The following GPR158 variants were observed in gnomAD, a reference collection of about 807,000 sequenced individuals.
The protein encoded by GPR158 is G protein-coupled receptor 158.
Under a neutral mutation model 78.2 loss-of-function variants are expected in GPR158, and 30 were observed. That is an observed-to-expected ratio of 0.38 (90% confidence interval 0.29 to 0.52). The LOEUF (loss-of-function observed/expected upper bound fraction) is 0.52. Among genes scored for constraint, GPR158 ranks in the 20% least tolerant of loss-of-function variants. GPR158 has a pLI of 0.83. For missense variants in GPR158, 1,463 were observed against 1,523.5 expected (o/e 0.96, Z 0.66); for synonymous variants, 581 against 591.1 (o/e 0.98, Z 0.25).
At chr10:25,235,301 TTTC>T (rs1853504326) in intron 2 of GPR158, among the ~76,000 whole-genome samples, 1 of 152,198 alleles carries the variant, frequency 6.6e-6, no homozygotes, top group African/African-American at 2.4e-5. Flanking sequence ...ATGAATCTAT[TTTC>T]TTCTCTTATT....
At chr10:25,342,509 T>G (rs1855315994) in intron 2 of GPR158, among the ~76,000 whole-genome samples, 1 of 152,020 alleles carries the variant, frequency 6.6e-6, no homozygotes, top group South Asian at 2.1e-4. Flanking sequence ...CAATTTAGCC[T>G]TATTGTACAA....
At chr10:25,283,522 A>C (rs1854304566) in intron 2 of GPR158, among the ~76,000 whole-genome samples, 1 of 152,022 alleles carries the variant, frequency 6.6e-6, no homozygotes. Context: ...ATAATGGAAC[A>C]CTAGGCATAA....
intron 3 of GPR158, among the ~76,000 whole-genome samples, chr10:25,396,579 G>A (rs970854175): frequency 6.6e-5 from 10 of 151,934 alleles, no homozygotes; most frequent in Admixed American, 2.6e-4. Flanking sequence ...TGGGAGGATC[G>A]CTTGAGCTCA....
rs557457088 is a variant in GPR158, at chr10:25,218,265, A to G, written c.903-2787A>G. 9.2e-5 allele frequency among the ~76,000 whole-genome samples: 14 copies of G among 151,992 alleles called. No homozygotes were observed. In the East Asian group the frequency reaches 2.3e-3, roughly 25 times the overall value. On this transcript the variant is annotated intron_variant, in intron 1 of 10. Transcript: ENST00000376351. ...TCCCAGCTGGGAAACGTAGCTCATTATATTCCACGGTTTTGCACAAGCCTG... is the reference window on the plus strand; with the variant it reads ...TCCCAGCTGGGAAACGTAGCTCATTGTATTCCACGGTTTTGCACAAGCCTG...
chr10:25,438,171 C>T (rs180736680), intron 4 of GPR158, among the ~76,000 whole-genome samples: 102 of 152,226 alleles, frequency 6.7e-4, no homozygotes, highest in East Asian at 1.7e-3. Context: ...TTTGGAATAA[C>T]GTCACTTACT....
At chr10:25,542,823 CAA>C (rs5783943) in intron 5 of GPR158, among the ~76,000 whole-genome samples, 15 of 94,358 alleles carry the variant, frequency 1.6e-4, no homozygotes, top group Admixed American at 1.2e-4. Context: ...AACTCCATCT[CAA>C]AAAAAAAAAA....
intron 2 of GPR158, among the ~76,000 whole-genome samples, chr10:25,330,440 C>T (rs1855102296): frequency 1.3e-5 from 2 of 152,234 alleles, no homozygotes; most frequent in South Asian, 4.2e-4. Context: ...AGCATTTCTG[C>T]TCTTTGGATA....
At chr10:25,331,084 A>G (rs66543124) in intron 2 of GPR158, among the ~76,000 whole-genome samples, 6,469 of 152,020 alleles carry the variant, frequency 0.043, 142 homozygotes, top group African/African-American at 0.051. Flanking sequence ...TTACAGGTGA[A>G]TGCCACTGTG....
intron 7 of GPR158, among the ~76,000 whole-genome samples, chr10:25,584,412 T>C (rs1267296234): frequency 6.6e-6 from 1 of 152,216 alleles, no homozygotes; most frequent in East Asian, 1.9e-4. Flanking sequence ...TACAGCATAT[T>C]GTTTGGTATT....
intron 1 of GPR158, 148 bp from the exon 2 acceptor site, chr10:25,220,904 C>T: frequency 1.7e-6 from 1 of 587,970 alleles, no homozygotes; most frequent in Non-Finnish European, 3.0e-6. Context: ...TGTGTGTCTT[C>T]TCTTGGTGCA....
intron 2 of GPR158, among the ~76,000 whole-genome samples, chr10:25,337,100 C>T (rs552517963): frequency 7.4e-4 from 112 of 152,140 alleles, no homozygotes; most frequent in Admixed American, 3.7e-3. Context: ...ATCTCTTTCT[C>T]AAAGAGAAAT....
chr10:25,594,814 A>G (rs2130752775), intron 9 of GPR158, among the ~76,000 whole-genome samples: 1 of 152,294 alleles, frequency 6.6e-6, no homozygotes, highest in South Asian at 2.1e-4. Context: ...TTACATATAG[A>G]GGAATCTCCA....
chr10:25,443,068 C>A (rs993328188), intron 4 of GPR158, among the ~76,000 whole-genome samples: 1 of 150,352 alleles, frequency 6.7e-6, no homozygotes, highest in Non-Finnish European at 1.5e-5. Flanking sequence ...ACTTCCACAC[C>A]GACTTCTCTC....
At chr10:25,209,569 C>G (rs1417480575) in intron 1 of GPR158, among the ~76,000 whole-genome samples, 1 of 152,042 alleles carries the variant, frequency 6.6e-6, no homozygotes, top group Non-Finnish European at 1.5e-5. Flanking sequence ...CACACACACA[C>G]AATTTATTTT....
At chr10:25,241,395 T>TCTTCTCTTCC (rs1853625651) in intron 2 of GPR158, among the ~76,000 whole-genome samples, 1 of 141,694 alleles carries the variant, frequency 7.1e-6, no homozygotes, top group Non-Finnish European at 1.5e-5. Context: ...TCTTCTCTTC[T>TCTTCTCTTCC]CTTCTCTTCT....
At chr10:25,409,881 T>C (rs551861534) in intron 3 of GPR158, among the ~76,000 whole-genome samples, 2 of 152,356 alleles carry the variant, frequency 1.3e-5, no homozygotes, top group South Asian at 4.1e-4. Context: ...TTTCATTCAA[T>C]AGAGCATTTA....
chr10:25,376,683 T>C (rs1834085580), intron 2 of GPR158, among the ~76,000 whole-genome samples: 1 of 151,772 alleles, frequency 6.6e-6, no homozygotes, highest in Non-Finnish European at 1.5e-5. Flanking sequence ...ATTGGTCTGC[T>C]GCTAAAAAGT....
chr10:25,594,309 G>A lies in GPR158; in HGVS notation c.1910G>A (p.Arg637Lys). ...FHTIRFVLASRLQSDWMLMLY... is the reference protein window; with the variant it reads ...FHTIRFVLASKLQSDWMLMLY... The stretch of plus-strand genomic sequence containing the variant: ...CATTTCAGATTTGTTCTTGCCTCAA[G>A]ACTTCAGTCTGATTGGATGTTGATG... Residue 637 changes from arginine to lysine, a missense_variant, in exon 9 of 11, where the codon AGA becomes AAA. By Grantham distance (26) the Arg-to-Lys change is conservative. Coordinates refer to ENST00000376351, the MANE Select transcript of GPR158 (RefSeq NM_020752.3). The A allele has an allele frequency of 6.4e-7, 1 of 1,559,686 alleles. No homozygotes were observed. Among genetic ancestry groups the A allele is most frequent in the Non-Finnish European group, 8.8e-7 (1 of 1,131,462 alleles).
rs377451749 is a variant in GPR158 at position 25,572,646 on chromosome 10, T to C, written c.1515-3T>C. On this transcript the variant is annotated splice_region_variant and splice_polypyrimidine_tract_variant and intron_variant, in intron 6 of 10. Coordinates refer to ENST00000376351, the MANE Select transcript of GPR158 (RefSeq NM_020752.3). ...TTTCACATTTGAACTTTTGCTTTTC[T>C]AGGGTTTTGAAGGTGTTTCTTTCAC... The C allele has an allele frequency of 6.3e-6, 10 of 1,589,730 alleles. No individual in the cohort carries two copies. The highest frequency in any genetic ancestry group is 8.6e-6 in the Non-Finnish European group (10 of 1,157,882).
Sources: gnomAD v4.1 joint callset for allele counts (sites outside exome capture counted in the v4.1 genomes callset) on GRCh38, gnomAD v4.1.1 for gene constraint, MANE v1.5 for transcripts, NCBI Gene and HGNC (gene_info 2026-07-23, HGNC 2026-07-21) for gene names.